The following HAAO variants were observed in gnomAD, a reference collection of about 807,000 sequenced individuals.
HAAO encodes the protein 3-hydroxyanthranilate oxygenase.
HAAO carries 49 observed loss-of-function variants against 46.2 expected under a neutral mutation model. The observed-to-expected ratio is 1.06, with a 90% CI of 0.84 to 1.34. The LOEUF (loss-of-function observed/expected upper bound fraction) is 1.34. Among genes scored for constraint, HAAO ranks in the 40% most tolerant of loss-of-function variants. HAAO has a pLI of 0.00. For synonymous variants in HAAO, 157 were observed against 145.2 expected, an observed-to-expected ratio of 1.08 and a Z score of -0.58; for missense variants, 408 against 364.5, an observed-to-expected ratio of 1.12 and a Z score of -0.97.
chr2:42,785,816 T>C (rs1044036121), intron 2 of HAAO, among the ~76,000 whole-genome samples: 5 of 152,188 alleles, frequency 3.3e-5, no homozygotes, highest in Admixed American at 3.3e-4. Context: ...GAGCTATGAT[T>C]GCACCACTGT....
rs368230919 is a variant in HAAO, at chr2:42,792,410, G to C, written c.80+47C>G. The C allele has an allele frequency of 2.8e-6, 3 of 1,078,736 alleles. No homozygotes were observed. In the South Asian group the frequency reaches 4.3e-5, roughly 15 times the overall value. 66.8% of individuals were successfully genotyped at this position (1,078,736 alleles called of 1,614,324 possible). A position where few individuals can be genotyped will look rare whatever the true frequency, so the allele number is the denominator to read the frequency against. On this transcript the variant is annotated intron_variant, in intron 1 of 9. Transcript: ENST00000294973. ...GAAGGTGAGGGCGCAGATGGAGGAG[G>C]GGGAGGAGGCGAGGGCAGGGGGCGG...
chr2:42,789,945 G>C (rs1056981921), intron 1 of HAAO, among the ~76,000 whole-genome samples: 7 of 152,218 alleles, frequency 4.6e-5, no homozygotes, highest in African/African-American at 1.4e-4. Context: ...CTGCCACAGA[G>C]GGCAGGGGCA....
chr2:42,767,583 C>A lies in HAAO; in HGVS notation c.782+12G>T. 1 of 1,581,182 alleles carries A rather than the reference C, an allele frequency of 6.3e-7. No individual in the cohort carries two copies. On this transcript the variant is annotated intron_variant, in intron 9 of 9. Transcript: ENST00000294973. ...CTGAGGATCCCAGGGAAAGCCCTCC[C>A]TGCGTACTCACGAGGTCCCAGCTAG...
At chr2:42,787,572 A>C (rs192124318) in intron 2 of HAAO, among the ~76,000 whole-genome samples, 1 of 152,164 alleles carries the variant, frequency 6.6e-6, no homozygotes, top group African/African-American at 2.4e-5. Context: ...CCCAGGGCCC[A>C]TCGTTCCTCC....
Position 42,767,425 on chromosome 2 carries a change from A to T in HAAO, c.*12T>A. 1 of 1,603,316 alleles carries T rather than the reference A, an allele frequency of 6.2e-7. No individual in the cohort carries two copies. The highest frequency in any genetic ancestry group is 8.5e-7 in the Non-Finnish European group (1 of 1,171,976). On this transcript the variant is annotated 3_prime_UTR_variant, in exon 10 of 10. Transcript: ENST00000294973. ...GGCACACCTGTGGCTGCTTCAGGCC[A>T]TGGCAAGAGGGTCACCCCAGGGGCT...
intron 7 of HAAO, among the ~76,000 whole-genome samples, chr2:42,769,427 A>G (rs1482455972): frequency 2.6e-5 from 4 of 152,156 alleles, no homozygotes; most frequent in Non-Finnish European, 5.9e-5. Flanking sequence ...GAGTGGGGGA[A>G]CCTCCAACTC....
At chr2:42,775,569 TTTTG>T (rs1671491956) in intron 4 of HAAO, among the ~76,000 whole-genome samples, 1 of 152,078 alleles carries the variant, frequency 6.6e-6, no homozygotes, top group Non-Finnish European at 1.5e-5. Context: ...ATGTTTTTGT[TTTTG>T]TTTTTCTCCT....
Position 42,788,562 on chromosome 2 carries a change from G to T in HAAO, c.126C>A (p.Thr42=), listed in dbSNP as rs1241526043. 10 of 1,607,702 alleles carry T rather than the reference G, an allele frequency of 6.2e-6. No homozygotes were observed. Among genetic ancestry groups the T allele is most frequent in the Non-Finnish European group, 7.7e-6 (9 of 1,174,392 alleles). Residue 42 remains threonine (T), a synonymous_variant, in exon 2 of 10, where the codon ACC becomes ACA. Coordinates refer to ENST00000294973, the MANE Select transcript of HAAO (RefSeq NM_012205.3). ...CCTCTTCGATGTGATAGTCCTTCCT[G>T]GTGTTGGGGCCTCCGATGAACATGA... ...LKVMFIGGPN[T]RKDYHIEEGE... is the part of the protein sequence containing the mutation.
intron 2 of HAAO, among the ~76,000 whole-genome samples, chr2:42,785,468 G>C (rs1176651405): frequency 6.6e-6 from 1 of 152,192 alleles, no homozygotes; most frequent in Non-Finnish European, 1.5e-5. Context: ...GAGGCAGCCT[G>C]TTCACAGCGG....
At chr2:42,782,574 G>A (rs1158751851) in intron 4 of HAAO, among the ~76,000 whole-genome samples, 1 of 152,214 alleles carries the variant, frequency 6.6e-6, no homozygotes, top group Non-Finnish European at 1.5e-5. Flanking sequence ...AATGTGAAAG[G>A]AAAATATCTT....
At chr2:42,786,307 G>T (rs996054045) in intron 2 of HAAO, among the ~76,000 whole-genome samples, 4 of 152,202 alleles carry the variant, frequency 2.6e-5, no homozygotes, top group Non-Finnish European at 5.9e-5. Context: ...ATCCTGAACA[G>T]CTGTGGGCAA....
At chr2:42,787,301 A>C (rs1026504141) in intron 2 of HAAO, among the ~76,000 whole-genome samples, 7 of 152,162 alleles carry the variant, frequency 4.6e-5, no homozygotes, top group Non-Finnish European at 1.0e-4. Flanking sequence ...GCAAAGACAG[A>C]GGGAGACAGG....
At position 42,767,579 on chromosome 2, in the gene HAAO, C is replaced by G. The variant is rs1283469794; in HGVS notation, c.782+16G>C. 6.3e-7 allele frequency: 1 copy of G among 1,581,026 alleles called. No homozygotes were observed. Among genetic ancestry groups the G allele is most frequent in the African/African-American group, 1.3e-5 (1 of 74,376 alleles). On this transcript the variant is annotated intron_variant, in intron 9 of 9. Coordinates refer to ENST00000294973, the MANE Select transcript of HAAO (RefSeq NM_012205.3). The stretch of plus-strand genomic sequence containing the variant: ...GACCCTGAGGATCCCAGGGAAAGCC[C>G]TCCCTGCGTACTCACGAGGTCCCAG...
At chr2:42,783,230 C>G in intron 4 of HAAO, 84 bp downstream of exon 4, 1 of 813,636 alleles carries the variant, frequency 1.2e-6, no homozygotes, top group Non-Finnish European at 2.1e-6. Context: ...TTGAGTCTAT[C>G]TAGGATCCCT....
chr2:42,788,311 C>G (rs571711435), intron 2 of HAAO, among the ~76,000 whole-genome samples: 1 of 151,660 alleles, frequency 6.6e-6, no homozygotes, highest in South Asian at 2.1e-4. Flanking sequence ...GGGGCTCCCC[C>G]AGCAGAGGTG....
In HAAO at chr2:42,789,927, A is replaced by G. The variant is rs190739686; in HGVS notation, c.81-1320T>C. On this transcript the variant is annotated intron_variant, in intron 1 of 9. Coordinates refer to ENST00000294973, the MANE Select transcript of HAAO (RefSeq NM_012205.3). ...CTGTGTAGGGCTTCAGGGTGTTCTC[A>G]GGTGGCCCTGCCACAGAGGGCAGGG... Among the ~76,000 whole-genome samples the G allele has an allele frequency of 1.5e-4, 23 of 152,338 alleles. No homozygotes were observed. The East Asian group carries it at 1.9e-3, about 13-fold the overall frequency.
At chr2:42,767,757 C>G in intron 8 of HAAO, 80 bp from the exon 9 acceptor site, 2 of 1,540,398 alleles carry the variant, frequency 1.3e-6, no homozygotes, top group Non-Finnish European at 1.8e-6. Flanking sequence ...TGCCTGGGCC[C>G]CAAGGCCCCA....
intron 4 of HAAO, among the ~76,000 whole-genome samples, chr2:42,776,797 A>G (rs1671611463): frequency 6.7e-6 from 1 of 150,088 alleles, no homozygotes; most frequent in African/African-American, 2.5e-5. Flanking sequence ...ACGCCCAGCT[A>G]ATTTTTTTGT....
chr2:42,783,983 G>A (rs968084778), intron 2 of HAAO, 116 bp from the exon 3 acceptor site: 1 of 1,515,010 alleles, frequency 6.6e-7, no homozygotes, highest in African/African-American at 1.4e-5. Flanking sequence ...AGGCCTTGGA[G>A]TTGATGGGCA....
Sources: gnomAD v4.1 joint callset for allele counts (sites outside exome capture counted in the v4.1 genomes callset) on GRCh38, gnomAD v4.1.1 for gene constraint, MANE v1.5 for transcripts, NCBI Gene and HGNC (gene_info 2026-07-23, HGNC 2026-07-21) for gene names.